The following ELAVL4 variants were observed in gnomAD, a reference collection of about 807,000 sequenced individuals.
ELAVL4 encodes the protein ELAV-like protein 4.
In ELAVL4, 1 loss-of-function variant was observed where a neutral mutation model predicts 35.6. The ratio of observed to expected loss-of-function variants is 0.03; its 90% CI spans 0.01 to 0.13. The LOEUF (loss-of-function observed/expected upper bound fraction) is 0.13. ELAVL4 is among the 10% of genes least tolerant of loss of function. The pLI is 1.00. For synonymous variants in ELAVL4, 156 were observed against 171.0 expected (o/e 0.91, Z 0.69); for missense variants, 267 against 464.9 (o/e 0.57, Z 3.91).
At chr1:50,129,330 C>T (rs1670471619) in intron 1 of ELAVL4, among the ~76,000 whole-genome samples, 2 of 152,076 alleles carry the variant, frequency 1.3e-5, no homozygotes, top group Non-Finnish European at 2.9e-5. Context: ...AACAACCCTG[C>T]TCTTCCACCC....
Position 50,200,941 on chromosome 1 carries a change from C to A in ELAVL4, c.864C>A (p.Tyr288Ter). 1 of 1,614,106 alleles carries A rather than the reference C, an allele frequency of 6.2e-7. No individual in the cohort carries two copies. The highest frequency in any genetic ancestry group is 1.3e-5 in the African/African-American group (1 of 75,020). Residue 288 changes from tyrosine to a stop codon, truncating the protein, a stop_gained, in exon 7 of 7, where the codon TAC (tyrosine) becomes TAA (stop). Coordinates refer to ENST00000371824, the MANE Select transcript of ELAVL4 (RefSeq NM_001144774.3). LOFTEE classifies it high-confidence loss of function. Reference protein sequence around the residue: ...HTGTGWCIFVYNLSPDSDESV... With the variant: ...HTGTGWCIFV ...GAACTGGGTGGTGCATCTTTGTCTA[C>A]AACCTGTCCCCCGATTCCGATGAGA...
At chr1:50,190,760 C>T (rs1239145259) in intron 3 of ELAVL4, among the ~76,000 whole-genome samples, 3 of 152,214 alleles carry the variant, frequency 2.0e-5, no homozygotes, top group African/African-American at 7.2e-5. Flanking sequence ...TCACCCTGTT[C>T]CCTCTGTACC....
intron 6 of ELAVL4, among the ~76,000 whole-genome samples, chr1:50,199,100 A>G (rs1644244821): frequency 6.6e-6 from 1 of 152,218 alleles, no homozygotes; most frequent in Non-Finnish European, 1.5e-5. Flanking sequence ...ACACCATGAT[A>G]TTTTTTGGCT....
intron 1 of ELAVL4, among the ~76,000 whole-genome samples, chr1:50,069,974 A>G (rs540022230): frequency 6.6e-6 from 1 of 152,202 alleles, no homozygotes; most frequent in South Asian, 2.1e-4. Flanking sequence ...GCTGTTTTTA[A>G]TATCTTCTAT....
At chr1:50,069,570 C>T (rs1450518214) in intron 1 of ELAVL4, among the ~76,000 whole-genome samples, 3 of 152,144 alleles carry the variant, frequency 2.0e-5, no homozygotes, top group Non-Finnish European at 4.4e-5. Context: ...AGTCTTGGTT[C>T]CCCTACAACC....
At chr1:50,195,856 A>G (rs895309531) in intron 5 of ELAVL4, 70 bp downstream of exon 5, 5 of 1,574,356 alleles carry the variant, frequency 3.2e-6, no homozygotes, top group Non-Finnish European at 4.4e-6. Context: ...AGGGAAGCCC[A>G]TGGTCCTGAC....
chr1:50,189,591 T>A (rs891254949), intron 3 of ELAVL4, among the ~76,000 whole-genome samples: 2 of 152,202 alleles, frequency 1.3e-5, no homozygotes, highest in African/African-American at 4.8e-5. Flanking sequence ...CATTCCCTGG[T>A]AGTGTTCCAC....
intron 1 of ELAVL4, among the ~76,000 whole-genome samples, chr1:50,135,857 C>G (rs970666860): frequency 6.6e-6 from 1 of 152,094 alleles, no homozygotes; most frequent in Admixed American, 6.6e-5. Context: ...TAGCCACAGT[C>G]CCCTAGTCCA....
intron 2 of ELAVL4, among the ~76,000 whole-genome samples, chr1:50,145,626 G>A (rs1673573871): frequency 2.6e-5 from 4 of 152,190 alleles, no homozygotes; most frequent in Admixed American, 2.6e-4. Context: ...GGGCCACTGT[G>A]GATGTGTGGA....
intron 2 of ELAVL4, among the ~76,000 whole-genome samples, chr1:50,145,923 C>G (rs1263216981): frequency 6.6e-6 from 1 of 152,120 alleles, no homozygotes; most frequent in African/African-American, 2.4e-5. Flanking sequence ...AAATGTTTGC[C>G]AGACACTGAC....
intron 1 of ELAVL4, among the ~76,000 whole-genome samples, chr1:50,133,961 A>C (rs553047992): frequency 6.6e-6 from 1 of 152,202 alleles, no homozygotes; most frequent in Non-Finnish European, 1.5e-5. Context: ...TCTCTTAAAA[A>C]GAACAAGACT....
intron 1 of ELAVL4, among the ~76,000 whole-genome samples, chr1:50,087,378 G>T (rs1372499778): frequency 2.6e-5 from 4 of 152,202 alleles, no homozygotes; most frequent in Non-Finnish European, 5.9e-5. Context: ...ACTTTCTACT[G>T]TCTCTTTTCT....
chr1:50,087,586 C>T (rs1322195689), intron 1 of ELAVL4, among the ~76,000 whole-genome samples: 5 of 152,148 alleles, frequency 3.3e-5, no homozygotes, highest in Non-Finnish European at 7.4e-5. Flanking sequence ...ACGAAATTTG[C>T]TGTGGACTAA....
intron 1 of ELAVL4, among the ~76,000 whole-genome samples, chr1:50,077,988 C>G (rs535906982): frequency 2.0e-5 from 3 of 152,210 alleles, no homozygotes; most frequent in Non-Finnish European, 4.4e-5. Flanking sequence ...CTGTCACTAG[C>G]CTACATGACC....
intron 6 of ELAVL4, among the ~76,000 whole-genome samples, chr1:50,197,923 T>C (rs941468348): frequency 6.6e-6 from 1 of 152,196 alleles, no homozygotes; most frequent in Admixed American, 6.5e-5. Flanking sequence ...GATTTTTCAG[T>C]AGAAAAATTA....
chr1:50,127,569 C>T (rs17105917), intron 1 of ELAVL4, among the ~76,000 whole-genome samples: 9,698 of 152,182 alleles, frequency 0.064, 428 homozygotes, highest in Middle Eastern at 0.15. Flanking sequence ...TTTCAAATGT[C>T]TACTAACCTT....
chr1:50,194,927 G>C (rs1643938124), intron 4 of ELAVL4, among the ~76,000 whole-genome samples: 1 of 152,218 alleles, frequency 6.6e-6, no homozygotes, highest in Admixed American at 6.5e-5. Flanking sequence ...AGGAGGATCA[G>C]GCAGTTCAGG....
chr1:50,128,961 G>A (rs1342179416), intron 1 of ELAVL4, among the ~76,000 whole-genome samples: 3 of 152,006 alleles, frequency 2.0e-5, no homozygotes, highest in Non-Finnish European at 4.4e-5. Context: ...TTGCTCACCT[G>A]TAAACTGCAA....
At chr1:50,076,472 T>C (rs1301444251) in intron 1 of ELAVL4, among the ~76,000 whole-genome samples, 1 of 152,236 alleles carries the variant, frequency 6.6e-6, no homozygotes, top group Non-Finnish European at 1.5e-5. Flanking sequence ...TAGGTATGTA[T>C]GTATGTATGT....
Sources: allele counts gnomAD v4.1 joint callset (sites outside exome capture counted in the v4.1 genomes callset), GRCh38; gene constraint gnomAD v4.1.1; transcripts MANE v1.5; gene names NCBI Gene and HGNC (gene_info 2026-07-23, HGNC 2026-07-21).